The following PLPPR1 variants were observed in gnomAD, a reference collection of about 807,000 sequenced individuals.
PLPPR1 encodes the protein phospholipid phosphatase-related protein type 1.
In PLPPR1, 10 loss-of-function variants were observed where a neutral mutation model predicts 33.1. That is an observed-to-expected ratio of 0.30 (90% CI 0.19 to 0.51). The LOEUF (loss-of-function observed/expected upper bound fraction) is 0.51. PLPPR1 is among the 20% of genes least tolerant of loss of function. PLPPR1 has a pLI of 0.97. For missense variants in PLPPR1, 304 were observed against 408.1 expected (o/e 0.74, Z 2.20); for synonymous variants, 151 against 151.0 (o/e 1.00, Z 0.00).
intron 7 of PLPPR1, among the ~76,000 whole-genome samples, chr9:101,321,439 A>G (rs183845597): frequency 6.6e-6 from 1 of 152,320 alleles, no homozygotes; most frequent in Admixed American, 6.5e-5. Context: ...CCCAAATACC[A>G]TAGAGAAACC....
At chr9:101,063,520 A>T (rs1253155888) in intron 1 of PLPPR1, among the ~76,000 whole-genome samples, 2 of 152,092 alleles carry the variant, frequency 1.3e-5, no homozygotes, top group Non-Finnish European at 2.9e-5. Flanking sequence ...CTAGAAAGCC[A>T]CTTCTCTAAT....
intron 1 of PLPPR1, among the ~76,000 whole-genome samples, chr9:101,182,711 C>A (rs559113628): frequency 6.6e-6 from 1 of 151,620 alleles, no homozygotes; most frequent in East Asian, 1.9e-4. Flanking sequence ...AAAATTAAAA[C>A]GTAAGCAAAA....
intron 2 of PLPPR1, among the ~76,000 whole-genome samples, chr9:101,256,153 T>G (rs1350776557): frequency 6.6e-6 from 1 of 152,216 alleles, no homozygotes; most frequent in East Asian, 1.9e-4. Flanking sequence ...TCTTGTATTA[T>G]TATCCTTTAA....
chr9:101,187,599 AGTGGC>A (rs1826226309), intron 2 of PLPPR1: 1 of 151,972 alleles, frequency 6.6e-6, no homozygotes, highest in South Asian at 2.1e-4. Flanking sequence ...TGAATCTCAA[AGTGGC>A]TCTCATGATT....
At chr9:101,293,668 T>C (rs563949085) in intron 4 of PLPPR1, among the ~76,000 whole-genome samples, 7,397 of 152,088 alleles carry the variant, frequency 0.049, 546 homozygotes, top group African/African-American at 0.16. Context: ...ACCACTCAAC[T>C]ACATGGAAAC....
chr9:101,319,471 G>A (rs1014695627), intron 7 of PLPPR1, among the ~76,000 whole-genome samples: 5 of 152,132 alleles, frequency 3.3e-5, no homozygotes, highest in African/African-American at 1.2e-4. Context: ...CGGGGCTTGG[G>A]GGGGTTGGAA....
At chr9:101,076,328 TG>T (rs1375190926) in intron 1 of PLPPR1, among the ~76,000 whole-genome samples, 1 of 152,108 alleles carries the variant, frequency 6.6e-6, no homozygotes, top group African/African-American at 2.4e-5. Flanking sequence ...ACTGAAATAA[TG>T]TGACTCTGCC....
intron 1 of PLPPR1, among the ~76,000 whole-genome samples, chr9:101,039,255 G>A (rs529616642): frequency 2.6e-5 from 4 of 152,228 alleles, no homozygotes; most frequent in African/African-American, 7.2e-5. Flanking sequence ...CCATCCACTA[G>A]CTTTGTGATG....
chr9:101,049,002 C>T (rs1221544173), intron 1 of PLPPR1, among the ~76,000 whole-genome samples: 1 of 152,162 alleles, frequency 6.6e-6, no homozygotes, highest in Non-Finnish European at 1.5e-5. Context: ...TTCAATTTCA[C>T]TAGTGGTTAG....
In PLPPR1 at chr9:101,083,421, A is replaced by C. The variant is rs542216412; in HGVS notation, c.-46+54319A>C. On this transcript the variant is annotated intron_variant, in intron 1 of 7. Transcript: ENST00000374874. ...AAAAAAAAAAAGTTATGCAAAATTG[A>C]CTGGAAAGAATAGCATGTAGTAAAT... 2.6e-5 allele frequency among the ~76,000 whole-genome samples: 4 copies of C among 151,814 alleles called. No homozygotes were observed. In the South Asian group the frequency reaches 8.3e-4, roughly 32 times the overall value.
chr9:101,318,617 T>C (rs1829097841), intron 7 of PLPPR1, among the ~76,000 whole-genome samples: 1 of 151,886 alleles, frequency 6.6e-6, no homozygotes, highest in African/African-American at 2.4e-5. Context: ...ACTAAAAAAA[T>C]ACAAAAATTA....
At chr9:101,299,519 A>G (rs1030345670) in intron 4 of PLPPR1, among the ~76,000 whole-genome samples, 18 of 152,244 alleles carry the variant, frequency 1.2e-4, no homozygotes, top group African/African-American at 4.3e-4. Flanking sequence ...ATCCTTGGTG[A>G]GCCAGAATAT....
At chr9:101,099,059 C>T (rs1830859168) in intron 1 of PLPPR1, among the ~76,000 whole-genome samples, 1 of 147,246 alleles carries the variant, frequency 6.8e-6, no homozygotes, top group Admixed American at 6.9e-5. Context: ...CCCTCTAAAC[C>T]TCAATTTTCT....
intron 6 of PLPPR1, among the ~76,000 whole-genome samples, chr9:101,316,433 T>C (rs1419802570): frequency 6.7e-6 from 1 of 150,092 alleles, no homozygotes; most frequent in Admixed American, 6.6e-5. Context: ...TGAGACTCTG[T>C]CTCAAAAAAA....
chr9:101,272,240 A>T (rs12340306), intron 3 of PLPPR1, among the ~76,000 whole-genome samples: 59,972 of 151,628 alleles, frequency 0.4, 11,795 homozygotes, highest in African/African-American at 0.43. Context: ...ATGCCAAAAT[A>T]TTTCTCAAAA....
chr9:101,213,186 A>AACTT (rs1826719656), intron 2 of PLPPR1, among the ~76,000 whole-genome samples: 1 of 152,174 alleles, frequency 6.6e-6, no homozygotes. Context: ...CTTTAATGCA[A>AACTT]ACTTACCATT....
chr9:101,318,851 T>G (rs1458784286), intron 7 of PLPPR1, among the ~76,000 whole-genome samples: 2 of 152,032 alleles, frequency 1.3e-5, no homozygotes, highest in Non-Finnish European at 1.5e-5. Flanking sequence ...GTTGTATAGG[T>G]AGCAAGTAGG....
chr9:101,230,086 C>G (rs1327132485), intron 2 of PLPPR1, among the ~76,000 whole-genome samples: 2 of 152,060 alleles, frequency 1.3e-5, no homozygotes, highest in Non-Finnish European at 2.9e-5. Context: ...GGAACCAATC[C>G]AGTCATCTCT....
chr9:101,031,346 T>C (rs1261123688), intron 1 of PLPPR1, among the ~76,000 whole-genome samples: 3 of 152,210 alleles, frequency 2.0e-5, no homozygotes, highest in African/African-American at 7.2e-5. Context: ...ACCTATCCTG[T>C]ATTTAGCATT....
Sources: allele counts gnomAD v4.1 joint callset (sites outside exome capture counted in the v4.1 genomes callset), GRCh38; gene constraint gnomAD v4.1.1; transcripts MANE v1.5; gene names NCBI Gene and HGNC (gene_info 2026-07-23, HGNC 2026-07-21).